RPA3: variants seen among roughly 807,000 people sequenced by gnomAD.
RPA3 encodes replication protein A 14 kDa subunit.
RPA3 carries 24 observed loss-of-function variants against 13.7 expected under a neutral mutation model. That is an observed-to-expected ratio of 1.75 (90% CI 1.27 to 2.46). RPA3 has a LOEUF of 2.46. Among genes scored for constraint, RPA3 ranks in the 30% most tolerant of loss-of-function variants. The pLI is 0.00. For missense variants in RPA3, 183 were observed against 151.0 expected, an observed-to-expected ratio of 1.21 and a Z score of -1.11; for synonymous variants, 59 against 51.2, an observed-to-expected ratio of 1.15 and a Z score of -0.65.
chr7:7,671,297 CT>C (rs1563105873), intron 4 of RPA3, among the ~76,000 whole-genome samples: 1 of 152,178 alleles, frequency 6.6e-6, no homozygotes, highest in East Asian at 1.9e-4. Context: ...GCATGCCCCC[CT>C]CTTCTCTTTA....
Position 7,643,265 on chromosome 7 carries a change from TC to T in RPA3, c.-757-2091del, listed in dbSNP as rs1219243727. On this transcript the variant is annotated intron_variant, in intron 4 of 7. Coordinates refer to ENST00000223129, the MANE Select transcript of RPA3 (RefSeq NM_002947.5). ...AGACAAAAATGGTAAAGTATGATCTTCCAGGTACACTCCACCGGAAAAAGGA... is the reference window on the plus strand; with the variant it reads ...AGACAAAAATGGTAAAGTATGATCTTCAGGTACACTCCACCGGAAAAAGGA... Among the ~76,000 whole-genome samples the T allele has an allele frequency of 2.0e-5, 3 of 152,196 alleles. No homozygotes were observed. In the East Asian group the frequency reaches 5.8e-4, roughly 29 times the overall value.
chr7:7,695,997 T>C (rs1392562795), intron 2 of RPA3, among the ~76,000 whole-genome samples: 2 of 149,772 alleles, frequency 1.3e-5, no homozygotes, highest in South Asian at 4.2e-4. Flanking sequence ...TTTTTTTTTT[T>C]CTGATAAACT....
intron 4 of RPA3, among the ~76,000 whole-genome samples, chr7:7,657,402 A>G (rs891418970): frequency 6.6e-6 from 1 of 152,150 alleles, no homozygotes; most frequent in Non-Finnish European, 1.5e-5. Context: ...CTATGTCCTG[A>G]ATGGTATTGC....
At chr7:7,716,588 T>TA (rs752201642) in intron 1 of RPA3, among the ~76,000 whole-genome samples, 8 of 152,152 alleles carry the variant, frequency 5.3e-5, no homozygotes, top group Non-Finnish European at 7.3e-5. Context: ...ACGTGCACAG[T>TA]AAAGAGGCAG....
At chr7:7,663,652 C>G (rs1175845476) in intron 4 of RPA3, among the ~76,000 whole-genome samples, 3 of 152,160 alleles carry the variant, frequency 2.0e-5, no homozygotes, top group African/African-American at 7.2e-5. Flanking sequence ...AAGGAGAGAA[C>G]TAGTGAGATA....
Position 7,640,619 on chromosome 7 carries a change from G to T in RPA3, c.-201C>A. 3.4e-6 allele frequency: 2 copies of T among 580,650 alleles called. No individual in the cohort carries two copies. The highest frequency in any genetic ancestry group is 6.1e-6 in the Non-Finnish European group (2 of 326,300). 36.0% of individuals were successfully genotyped at this position (580,650 alleles called of 1,614,324 possible). On this transcript the variant is annotated 5_prime_UTR_variant, in exon 5 of 8. Coordinates refer to ENST00000223129, the MANE Select transcript of RPA3 (RefSeq NM_002947.5). ...GAGAAGGGGCTGGATGAGTCCGGAA[G>T]TGGAGATTGGCTGCTTAGTGACGCG...
chr7:7,704,634 C>T (rs929180474), intron 2 of RPA3, among the ~76,000 whole-genome samples: 1 of 148,200 alleles, frequency 6.7e-6, no homozygotes, highest in African/African-American at 2.5e-5. Context: ...TGGGCATGGT[C>T]ATGCACGTCT....
chr7:7,704,025 C>T (rs1367831238), intron 2 of RPA3, among the ~76,000 whole-genome samples: 1 of 152,048 alleles, frequency 6.6e-6, no homozygotes, highest in South Asian at 2.1e-4. Flanking sequence ...TACCTTAGAG[C>T]AACAGTTCTC....
chr7:7,711,005 T>C (rs1563144421), intron 2 of RPA3, among the ~76,000 whole-genome samples: 3 of 152,070 alleles, frequency 2.0e-5, no homozygotes, highest in African/African-American at 7.2e-5. Context: ...ACACAAAAAA[T>C]AGAGAAATCA....
chr7:7,664,244 C>G (rs1779375850), intron 4 of RPA3, among the ~76,000 whole-genome samples: 1 of 152,112 alleles, frequency 6.6e-6, no homozygotes, highest in African/African-American at 2.4e-5. Flanking sequence ...TTTTCCATAT[C>G]ATTTCTGTAC....
chr7:7,668,145 T>C (rs1342130833), intron 4 of RPA3, among the ~76,000 whole-genome samples: 1 of 151,970 alleles, frequency 6.6e-6, no homozygotes, highest in Non-Finnish European at 1.5e-5. Context: ...ACTCTTGGGC[T>C]CAAGCAATTT....
intron 4 of RPA3, among the ~76,000 whole-genome samples, chr7:7,675,438 A>G (rs373590245): frequency 6.6e-6 from 1 of 152,072 alleles, no homozygotes; most frequent in South Asian, 2.1e-4. Context: ...GAGACATTCC[A>G]TTGCATGTCT....
At chr7:7,687,108 T>C (rs1191326336) in intron 3 of RPA3, 120 bp downstream of exon 3, 1 of 152,204 alleles carries the variant, frequency 6.6e-6, no homozygotes, top group Non-Finnish European at 1.5e-5. Flanking sequence ...TATTTTATTA[T>C]GTGATTTGCG....
In RPA3 at chr7:7,640,655, G is replaced by A. The variant is rs28916292; in HGVS notation, c.-237C>T. 4 of 534,786 alleles carry A rather than the reference G, an allele frequency of 7.5e-6. No homozygotes were observed. The Admixed American group carries it at 1.0e-4, about 13-fold the overall frequency. 33.1% of individuals were successfully genotyped at this position (534,786 alleles called of 1,614,324 possible). On this transcript the variant is annotated 5_prime_UTR_variant, in exon 5 of 8. Coordinates refer to ENST00000223129, the MANE Select transcript of RPA3 (RefSeq NM_002947.5). ...CTGCTTAGTGACGCGCGGCGTCCCGGAAGTTGACAGATACAGGGCGAGAGG... is the reference window on the plus strand; with the variant it reads ...CTGCTTAGTGACGCGCGGCGTCCCGAAAGTTGACAGATACAGGGCGAGAGG...
chr7:7,674,408 A>G (rs540342971), intron 4 of RPA3, among the ~76,000 whole-genome samples: 2 of 152,296 alleles, frequency 1.3e-5, no homozygotes, highest in African/African-American at 4.8e-5. Context: ...ACCAGAATAG[A>G]GTTTTTCTCG....
At chr7:7,650,492 T>C (rs1785200320) in intron 4 of RPA3, among the ~76,000 whole-genome samples, 1 of 152,226 alleles carries the variant, frequency 6.6e-6, no homozygotes, top group Admixed American at 6.5e-5. Context: ...TGCTGTAGGC[T>C]TACATGTCTC....
At chr7:7,703,036 C>G (rs1179474278) in intron 2 of RPA3, among the ~76,000 whole-genome samples, 1 of 152,182 alleles carries the variant, frequency 6.6e-6, no homozygotes, top group Non-Finnish European at 1.5e-5. Context: ...ATGCCTTCAG[C>G]TAGTCTTCTA....
At chr7:7,676,625 G>A (rs1779747448) in intron 4 of RPA3, among the ~76,000 whole-genome samples, 1 of 152,140 alleles carries the variant, frequency 6.6e-6, no homozygotes, top group Non-Finnish European at 1.5e-5. Context: ...AAGGTTGGTG[G>A]TTGTAATACT....
intron 4 of RPA3, among the ~76,000 whole-genome samples, chr7:7,668,447 A>G (rs1207500072): frequency 1.3e-5 from 2 of 152,160 alleles, no homozygotes; most frequent in Non-Finnish European, 1.5e-5. Context: ...TTATTACTAT[A>G]TATTGTTATA....
Sources: allele counts gnomAD v4.1 joint callset (sites outside exome capture counted in the v4.1 genomes callset), GRCh38; gene constraint gnomAD v4.1.1; transcripts MANE v1.5; gene names NCBI Gene and HGNC (gene_info 2026-07-23, HGNC 2026-07-21).